Variants in ZNF609 observed in about 807,000 individuals in gnomAD.
ZNF609 encodes zinc finger protein 609.
A neutral mutation model predicts 109.5 loss-of-function variants in ZNF609; 11 were observed. That is an observed-to-expected ratio of 0.10 (90% CI 0.06 to 0.17). The LOEUF (loss-of-function observed/expected upper bound fraction) is 0.17. ZNF609 is among the 10% of genes least tolerant of loss of function. The pLI, the probability that ZNF609 is intolerant of heterozygous loss-of-function variation, is 1.00. For missense variants in ZNF609, 1,559 were observed against 1,772.4 expected (o/e 0.88, Z 2.16); for synonymous variants, 646 against 662.0 (o/e 0.98, Z 0.37).
chr15:64,499,444 G>A lies in ZNF609; in HGVS notation c.25G>A (p.Gly9Arg), dbSNP rs768468027. 8.1e-6 allele frequency: 13 copies of A among 1,613,900 alleles called. 1 individual carries two copies. Among genetic ancestry groups the A allele is most frequent in the South Asian group, 3.3e-5 (3 of 91,068 alleles). Residue 9 changes from glycine to arginine, a missense_variant, in exon 2 of 10, where the codon GGA becomes AGA. Coordinates refer to ENST00000326648, the MANE Select transcript of ZNF609 (RefSeq NM_015042.2). MSLSSGAS[G>R]GKGVDANPVE... is the part of the protein sequence containing the mutation. The stretch of plus-strand genomic sequence containing the variant: ...GATGTCCTTGAGCAGTGGAGCCTCC[G>A]GAGGGAAAGGAGTGGATGCAAACCC...
At chr15:64,491,989 C>T (rs1469164878) in intron 1 of ZNF609, among the ~76,000 whole-genome samples, 1 of 152,136 alleles carries the variant, frequency 6.6e-6, no homozygotes, top group Non-Finnish European at 1.5e-5. Flanking sequence ...TGCCTGTAAT[C>T]CTAGCACTTT....
intron 3 of ZNF609, among the ~76,000 whole-genome samples, chr15:64,667,350 G>T (rs1179919843): frequency 1.3e-5 from 2 of 152,158 alleles, no homozygotes; most frequent in African/African-American, 4.8e-5. Flanking sequence ...TTAGTGGGTG[G>T]CCGTAGACAA....
chr15:64,655,195 C>G (rs1053742608), intron 3 of ZNF609, among the ~76,000 whole-genome samples: 2 of 151,518 alleles, frequency 1.3e-5, no homozygotes, highest in African/African-American at 4.9e-5. Context: ...ACAGAATAGT[C>G]CAGGCATGGT....
At chr15:64,535,839 A>C (rs2140375493) in intron 2 of ZNF609, among the ~76,000 whole-genome samples, 1 of 152,172 alleles carries the variant, frequency 6.6e-6, no homozygotes, top group South Asian at 2.1e-4. Flanking sequence ...ATGGTACCTC[A>C]ATGTGGTTTT....
intron 1 of ZNF609, among the ~76,000 whole-genome samples, chr15:64,482,023 T>A (rs1893261853): frequency 6.6e-6 from 1 of 152,204 alleles, no homozygotes; most frequent in Non-Finnish European, 1.5e-5. Flanking sequence ...GACTTTGTGA[T>A]CCGCCTGCCT....
At chr15:64,680,405 A>C in intron 7 of ZNF609, 45 bp downstream of exon 7, 1 of 1,601,762 alleles carries the variant, frequency 6.2e-7, no homozygotes, top group Non-Finnish European at 8.5e-7. Flanking sequence ...AAGACTAGTA[A>C]GGCCAGATCC....
intron 1 of ZNF609, among the ~76,000 whole-genome samples, chr15:64,465,040 C>G (rs1437939216): frequency 6.6e-6 from 1 of 152,066 alleles, no homozygotes; most frequent in African/African-American, 2.4e-5. Context: ...GTAGCATGCC[C>G]TAGACATGGC....
In ZNF609 at chr15:64,541,027, C is replaced by CAAAA. The variant is rs1287975678; in HGVS notation, c.747+40878_747+40881dup. 9.3e-5 allele frequency among the ~76,000 whole-genome samples: 5 copies of CAAAA among 53,700 alleles called. 1 individual carries two copies. The highest frequency in any genetic ancestry group is 1.2e-4 in the Non-Finnish European group (3 of 25,952). The allele number at this position is 53,700 out of a possible 152,430, so 35.2% of individuals were successfully genotyped here. Reference sequence around the variant, plus strand: ...TGGGCGACAGAGTAAGACTCTGTCTCAAAAAAAAAAAAAAAAAAAACTTTT... The same window carrying CAAAA: ...TGGGCGACAGAGTAAGACTCTGTCTCAAAAAAAAAAAAAAAAAAAAAAAACTTTT... On this transcript the variant is annotated intron_variant, in intron 2 of 9. Coordinates refer to ENST00000326648, the MANE Select transcript of ZNF609 (RefSeq NM_015042.2).
intron 3 of ZNF609, among the ~76,000 whole-genome samples, chr15:64,632,927 C>A (rs1215880791): frequency 1.3e-5 from 2 of 151,664 alleles, no homozygotes; most frequent in African/African-American, 4.8e-5. Context: ...CACACACCAC[C>A]ATGCCCAACT....
At chr15:64,578,276 T>A (rs1165580221) in intron 2 of ZNF609, among the ~76,000 whole-genome samples, 1 of 152,128 alleles carries the variant, frequency 6.6e-6, no homozygotes, top group Non-Finnish European at 1.5e-5. Flanking sequence ...CATTACTGAA[T>A]GATCTTGCTT....
intron 2 of ZNF609, among the ~76,000 whole-genome samples, chr15:64,581,569 A>G (rs999635026): frequency 2.6e-5 from 4 of 152,094 alleles, no homozygotes; most frequent in Non-Finnish European, 5.9e-5. Context: ...GGGGCCTTCC[A>G]GGGAACCACC....
chr15:64,519,414 C>G (rs1194711401), intron 2 of ZNF609, among the ~76,000 whole-genome samples: 3 of 152,120 alleles, frequency 2.0e-5, no homozygotes, highest in African/African-American at 7.2e-5. Flanking sequence ...CTGAGGAACA[C>G]CAAGAAGGTA....
At chr15:64,638,214 A>T (rs1896205658) in intron 3 of ZNF609, among the ~76,000 whole-genome samples, 1 of 151,596 alleles carries the variant, frequency 6.6e-6, no homozygotes. Flanking sequence ...TAAACCAGTT[A>T]ACCTGTGTGG....
upstream of ZNF609, among the ~76,000 whole-genome samples, chr15:64,460,407 A>T (rs1460209634): frequency 6.6e-6 from 1 of 152,138 alleles, no homozygotes; most frequent in Non-Finnish European, 1.5e-5. Flanking sequence ...TCCCTGAGCT[A>T]AGACTCCCTA....
chr15:64,657,656 T>C (rs1166444644), intron 3 of ZNF609, among the ~76,000 whole-genome samples: 3 of 152,036 alleles, frequency 2.0e-5, no homozygotes, highest in Non-Finnish European at 4.4e-5. Context: ...CTGACAATAG[T>C]TTACCGCCTG....
chr15:64,498,678 T>C (rs1301148612), intron 1 of ZNF609, among the ~76,000 whole-genome samples: 2 of 152,184 alleles, frequency 1.3e-5, no homozygotes, highest in African/African-American at 2.4e-5. Flanking sequence ...TTGAGTCCCC[T>C]CTGAGATTGT....
intron 3 of ZNF609, among the ~76,000 whole-genome samples, chr15:64,634,255 G>A (rs1256686696): frequency 1.3e-5 from 2 of 152,246 alleles, no homozygotes; most frequent in East Asian, 3.9e-4. Context: ...CTGTGGTTGA[G>A]CCCTTTGCTT....
chr15:64,673,951 G>T lies in ZNF609; in HGVS notation c.1097G>T (p.Arg366Leu), dbSNP rs376611348. ...CDSPTSDLEM[R>L]NGRGRGKRMR... ...TCCCCGACCAGTGACCTGGAAATGC[G>T]CAATGGCCGGGGTAGAGGCAAACGC... Residue 366 changes from arginine to leucine, a missense_variant, in exon 5 of 10, where the codon CGC (arginine) becomes CTC (leucine). By Grantham distance (102) the Arg-to-Leu change is moderately radical. This residue lies in a region of ZNF609 where 1,204 missense variants were observed against 1,314.1 expected (regional missense o/e 0.92). Coordinates refer to ENST00000326648, the MANE Select transcript of ZNF609 (RefSeq NM_015042.2). 11 of 1,613,116 alleles carry T rather than the reference G, an allele frequency of 6.8e-6. No individual in the cohort carries two copies. The highest frequency in any genetic ancestry group is 1.1e-5 in the South Asian group (1 of 91,050).
At chr15:64,632,752 G>C (rs1340554871) in intron 3 of ZNF609, among the ~76,000 whole-genome samples, 1 of 152,090 alleles carries the variant, frequency 6.6e-6, no homozygotes, top group East Asian at 1.9e-4. Flanking sequence ...ACAGACGTGA[G>C]CCACCATGCC....
Sources: gnomAD v4.1 joint callset for allele counts (sites outside exome capture counted in the v4.1 genomes callset) on GRCh38, gnomAD v4.1.1 for gene constraint, gnomAD v4.1.1 regional missense constraint, MANE v1.5 for transcripts, NCBI Gene and HGNC (gene_info 2026-07-23, HGNC 2026-07-21) for gene names.